RTN4: variants seen among roughly 807,000 people sequenced by gnomAD.
RTN4 encodes reticulon-4.
RTN4 carries 32 observed loss-of-function variants against 90.4 expected under a neutral mutation model. The observed-to-expected ratio is 0.35, with a 90% CI of 0.27 to 0.48. The LOEUF is 0.48. Among genes scored for constraint, RTN4 ranks in the 20% least tolerant of loss-of-function variants. The pLI, the probability that RTN4 is intolerant of heterozygous loss-of-function variation, is 0.99. For missense variants in RTN4, 1,706 were observed against 1,430.2 expected (o/e 1.19, Z -3.11); for synonymous variants, 629 against 552.5 (o/e 1.14, Z -1.94).
At chr2:55,034,682 G>A in intron 1 of RTN4, among the ~76,000 whole-genome samples, 1 of 152,176 alleles carries the variant, frequency 6.6e-6, no homozygotes, top group South Asian at 2.1e-4. Flanking sequence ...CTTTATGTAG[G>A]AATAAAGAAT....
chr2:54,984,244 T>C (rs1227160683), intron 4 of RTN4, among the ~76,000 whole-genome samples: 1 of 152,208 alleles, frequency 6.6e-6, no homozygotes, highest in African/African-American at 2.4e-5. Context: ...TCTTATAGTA[T>C]TTACTAGATT....
chr2:55,042,304 T>C (rs899145637), intron 1 of RTN4, among the ~76,000 whole-genome samples: 1 of 152,126 alleles, frequency 6.6e-6, no homozygotes, highest in African/African-American at 2.4e-5. Context: ...ACAACATATA[T>C]AATGGCATGT....
At chr2:55,039,005 T>C (rs1682880949) in intron 1 of RTN4, among the ~76,000 whole-genome samples, 1 of 152,234 alleles carries the variant, frequency 6.6e-6, no homozygotes, top group South Asian at 2.1e-4. Flanking sequence ...ACAAAATGTA[T>C]GATTCCATTC....
intron 1 of RTN4, among the ~76,000 whole-genome samples, chr2:55,097,939 A>C (rs1170145397): frequency 6.6e-6 from 1 of 151,432 alleles, no homozygotes; most frequent in Non-Finnish European, 1.5e-5. Flanking sequence ...AGCCTTCAGC[A>C]CTCCCGCCCC....
At chr2:55,080,255 C>T (rs1457940730) in intron 2 of RTN4, among the ~76,000 whole-genome samples, 2 of 151,850 alleles carry the variant, frequency 1.3e-5, no homozygotes, top group Non-Finnish European at 2.9e-5. Flanking sequence ...TGGGCTCAAG[C>T]GATCCTCCTG....
chr2:55,110,134 C>G (rs1402373143), intron 1 of RTN4, among the ~76,000 whole-genome samples: 1 of 151,818 alleles, frequency 6.6e-6, no homozygotes, highest in East Asian at 1.9e-4. Context: ...CATGGTGAAA[C>G]CCCATCTCTA....
chr2:55,004,344 T>C (rs1558792260), intron 3 of RTN4, among the ~76,000 whole-genome samples: 1 of 152,190 alleles, frequency 6.6e-6, no homozygotes, highest in African/African-American at 2.4e-5. Flanking sequence ...CAAATATAAA[T>C]TATAAAATAA....
intron 1 of RTN4, among the ~76,000 whole-genome samples, chr2:55,041,435 G>T (rs562547714): frequency 8.9e-4 from 135 of 152,000 alleles, no homozygotes; most frequent in African/African-American, 3.2e-3. Context: ...ACACACATAA[G>T]ATAGCCAAGA....
At chr2:55,068,678 A>AAG (rs1553449785) in intron 2 of RTN4, among the ~76,000 whole-genome samples, 1,921 of 50,280 alleles carry the variant, frequency 0.038, 68 homozygotes, top group African/African-American at 0.09. Context: ...ACAAAAAAAA[A>AAG]GGGGGGGGGG....
intron 1 of RTN4, among the ~76,000 whole-genome samples, chr2:55,107,535 C>A (rs759213099): frequency 4.6e-5 from 7 of 151,872 alleles, no homozygotes; most frequent in Non-Finnish European, 5.9e-5. Context: ...GACTGCCTGG[C>A]TGGTACATCT....
At chr2:55,091,942 C>T (rs562109389) in intron 1 of RTN4, among the ~76,000 whole-genome samples, 1 of 152,278 alleles carries the variant, frequency 6.6e-6, no homozygotes, top group Non-Finnish European at 1.5e-5. Flanking sequence ...AAGACTGGCC[C>T]CCATGATTCA....
At chr2:54,997,182 A>G (rs1679496062) in intron 3 of RTN4, among the ~76,000 whole-genome samples, 1 of 152,248 alleles carries the variant, frequency 6.6e-6, no homozygotes, top group Non-Finnish European at 1.5e-5. Flanking sequence ...AAAACAATTT[A>G]AAATAGACAA....
chr2:55,117,195 T>C (rs1318499769), upstream of RTN4, among the ~76,000 whole-genome samples: 1 of 152,156 alleles, frequency 6.6e-6, no homozygotes, highest in Non-Finnish European at 1.5e-5. Context: ...TCTTACGTGA[T>C]GGATCAGAAA....
chr2:55,125,695 G>A, the RTN4 span, among the ~76,000 whole-genome samples: 1 of 152,146 alleles, frequency 6.6e-6, no homozygotes, highest in African/African-American at 2.4e-5. Flanking sequence ...GAACTCAGGA[G>A]GCGGAGGTTG....
intron 3 of RTN4, among the ~76,000 whole-genome samples, chr2:55,022,694 T>C (rs987630533): frequency 1.3e-5 from 2 of 152,034 alleles, no homozygotes; most frequent in Non-Finnish European, 2.9e-5. Flanking sequence ...AGTATTCCTC[T>C]CCACCCCTAG....
chr2:55,023,736 A>G (rs1033869434), intron 3 of RTN4, among the ~76,000 whole-genome samples: 2 of 152,234 alleles, frequency 1.3e-5, no homozygotes, highest in South Asian at 2.1e-4. Context: ...AGTAATCAAC[A>G]TTTAATAACC....
At chr2:55,059,310 GTTT>G (rs35786539) in intron 2 of RTN4, among the ~76,000 whole-genome samples, 40 of 150,352 alleles carry the variant, frequency 2.7e-4, no homozygotes, top group South Asian at 8.4e-4. Flanking sequence ...AGACTTAATT[GTTT>G]TTTTTTTTTA....
At chr2:55,021,697 C>T (rs900673761) in intron 3 of RTN4, among the ~76,000 whole-genome samples, 6 of 152,110 alleles carry the variant, frequency 3.9e-5, no homozygotes, top group African/African-American at 1.4e-4. Flanking sequence ...AGGACTTGAG[C>T]TAATCCACCC....
upstream of RTN4, among the ~76,000 whole-genome samples, chr2:55,117,041 T>A (rs1668138721): frequency 6.6e-6 from 1 of 152,012 alleles, no homozygotes; most frequent in East Asian, 1.9e-4. Context: ...GCCTGGCTGA[T>A]TTTTGTATTT....
Sources: gnomAD v4.1 joint callset for allele counts (sites outside exome capture counted in the v4.1 genomes callset) on GRCh38, gnomAD v4.1.1 for gene constraint, MANE v1.5 for transcripts, NCBI Gene and HGNC (gene_info 2026-07-23, HGNC 2026-07-21) for gene names.